Variants in ME3 observed in about 807,000 individuals in gnomAD.
The protein encoded by ME3 is NADP-dependent malic enzyme, mitochondrial.
Under a neutral mutation model 68.9 loss-of-function variants are expected in ME3, and 48 were observed. The observed-to-expected ratio is 0.70, with a 90% CI of 0.55 to 0.89. The LOEUF is 0.89. Ranked by LOEUF, ME3 falls within the 40% of genes least tolerant of loss-of-function variation. ME3 has a pLI of 0.00. For synonymous variants in ME3, 320 were observed against 318.8 expected (o/e 1.00, Z -0.04); for missense variants, 675 against 797.4 (o/e 0.85, Z 1.85).
At chr11:86,632,447 G>A (rs892872345) in intron 2 of ME3, among the ~76,000 whole-genome samples, 2 of 152,174 alleles carry the variant, frequency 1.3e-5, no homozygotes, top group African/African-American at 4.8e-5. Context: ...CAGCCAAGAA[G>A]TTGTATTCTT....
chr11:86,534,413 G>A (rs1373009380), intron 4 of ME3, among the ~76,000 whole-genome samples: 3 of 151,910 alleles, frequency 2.0e-5, no homozygotes, highest in African/African-American at 7.3e-5. Context: ...GGTGGCTTAC[G>A]CCTGTAATCC....
At chr11:86,650,733 G>A (rs1034781492) in intron 2 of ME3, among the ~76,000 whole-genome samples, 43 of 152,330 alleles carry the variant, frequency 2.8e-4, no homozygotes, top group Admixed American at 8.5e-4. Flanking sequence ...ACCAGGGATT[G>A]TCAGACAGTG....
downstream of ME3, among the ~76,000 whole-genome samples, chr11:86,440,219 G>A (rs760403240): frequency 2.0e-5 from 3 of 152,178 alleles, no homozygotes; most frequent in African/African-American, 7.2e-5. Context: ...GAAATTAGAG[G>A]CAGGAAGCTG....
At chr11:86,496,896 G>A (rs1214603541) in intron 6 of ME3, among the ~76,000 whole-genome samples, 2 of 151,338 alleles carry the variant, frequency 1.3e-5, no homozygotes, top group Non-Finnish European at 2.9e-5. Context: ...AAAAAAAAAG[G>A]CTGGGGAAAT....
At chr11:86,544,997 G>A (rs1310540263) in intron 4 of ME3, among the ~76,000 whole-genome samples, 1 of 152,132 alleles carries the variant, frequency 6.6e-6, no homozygotes, top group Non-Finnish European at 1.5e-5. Context: ...GCTTCATCCT[G>A]GGGATGCATG....
chr11:86,553,132 G>A (rs1366378298), intron 4 of ME3, among the ~76,000 whole-genome samples: 1 of 152,206 alleles, frequency 6.6e-6, no homozygotes, highest in African/African-American at 2.4e-5. Flanking sequence ...GTGAGAGGCA[G>A]GATGAGGCAA....
chr11:86,595,000 G>A (rs538554692), intron 2 of ME3, among the ~76,000 whole-genome samples: 1 of 145,242 alleles, frequency 6.9e-6, no homozygotes, highest in South Asian at 2.3e-4. Flanking sequence ...GGGGTGGTAA[G>A]GTCAGATTCA....
exon 4 of ME3, chr11:86,556,689 T>C: frequency 6.2e-7 from 1 of 1,613,664 alleles, no homozygotes; most frequent in Non-Finnish European, 8.5e-7. Flanking sequence ...TGGAGTGTCA[T>C]GAGAATGATG....
Position 86,441,380 on chromosome 11 carries a change from C to A in ME3, c.1714G>T (p.Glu572Ter), listed in dbSNP as rs1311503404. ...TAGACCAGGGATCTTACAAAAGCCT[C>A]CTTGTCCTTAGGCTCTGGGTAGTAG... The change falls in exon 15 of 15, where the codon GAG becomes TAG. Residue 572 changes from glutamate to a stop codon, truncating the protein, a stop_gained. Coordinates refer to ENST00000543262, the Ensembl canonical transcript of ME3. LOFTEE classifies it high-confidence loss of function. 6.2e-7 allele frequency: 1 copy of A among 1,613,198 alleles called. No homozygotes were observed. The highest frequency in any genetic ancestry group is 2.2e-5 in the East Asian group (1 of 44,856).
intron 2 of ME3, among the ~76,000 whole-genome samples, chr11:86,646,386 C>T (rs551133237): frequency 9.9e-5 from 15 of 152,228 alleles, no homozygotes; most frequent in African/African-American, 3.6e-4. Context: ...AAACACAGCA[C>T]AAGAATTTCA....
intron 4 of ME3, among the ~76,000 whole-genome samples, chr11:86,553,161 C>T (rs1239662649): frequency 6.6e-6 from 1 of 152,180 alleles, no homozygotes; most frequent in Non-Finnish European, 1.5e-5. Flanking sequence ...CCACCAGAGC[C>T]CAGAACCTTC....
At chr11:86,589,435 G>A in intron 2 of ME3, among the ~76,000 whole-genome samples, 1 of 152,160 alleles carries the variant, frequency 6.6e-6, no homozygotes, top group African/African-American at 2.4e-5. Flanking sequence ...TCCCCAACTT[G>A]ATTAGGAGAT....
chr11:86,515,342 A>G (rs888559623), intron 4 of ME3, among the ~76,000 whole-genome samples: 2 of 152,196 alleles, frequency 1.3e-5, no homozygotes, highest in African/African-American at 4.8e-5. Context: ...AACACTATCC[A>G]GAGGGCATCG....
At chr11:86,503,615 C>T (rs1952865666) in intron 5 of ME3, among the ~76,000 whole-genome samples, 1 of 152,228 alleles carries the variant, frequency 6.6e-6, no homozygotes, top group African/African-American at 2.4e-5. Context: ...TAATACGTCT[C>T]TGAGACTGTT....
At chr11:86,651,643 GA>G (rs1347381069) in intron 2 of ME3, among the ~76,000 whole-genome samples, 1 of 152,170 alleles carries the variant, frequency 6.6e-6, no homozygotes, top group Non-Finnish European at 1.5e-5. Context: ...CAAAGATGGG[GA>G]AAAAACAGAG....
intron 4 of ME3, among the ~76,000 whole-genome samples, chr11:86,549,918 A>G (rs1956581637): frequency 6.6e-6 from 1 of 152,182 alleles, no homozygotes; most frequent in Admixed American, 6.5e-5. Flanking sequence ...TATGACCTCA[A>G]CCTTCAAGAG....
At chr11:86,457,197 CTG>C (rs987349877) in intron 8 of ME3, among the ~76,000 whole-genome samples, 1 of 152,204 alleles carries the variant, frequency 6.6e-6, no homozygotes, top group Admixed American at 6.5e-5. Context: ...TACAAATACA[CTG>C]TAAAACTTCC....
intron 4 of ME3, among the ~76,000 whole-genome samples, chr11:86,531,877 A>G (rs1305285809): frequency 1.3e-5 from 2 of 152,050 alleles, no homozygotes; most frequent in Non-Finnish European, 2.9e-5. Flanking sequence ...CCTAATATTA[A>G]ATGACGAGTT....
chr11:86,480,083 T>A (rs1369986948), intron 7 of ME3, among the ~76,000 whole-genome samples: 1 of 152,220 alleles, frequency 6.6e-6, no homozygotes, highest in Non-Finnish European at 1.5e-5. Flanking sequence ...CCTCCCAAAT[T>A]GCTGGGATTG....
Sources: allele counts gnomAD v4.1 joint callset (sites outside exome capture counted in the v4.1 genomes callset), GRCh38; gene constraint gnomAD v4.1.1; transcripts MANE v1.5; gene names NCBI Gene and HGNC (gene_info 2026-07-23, HGNC 2026-07-21).